NRXN2: variants seen among roughly 807,000 people sequenced by gnomAD.
The protein encoded by NRXN2 is neurexin-2-beta.
Under a neutral mutation model 128.8 loss-of-function variants are expected in NRXN2, and 29 were observed. The ratio of observed to expected loss-of-function variants is 0.23; its 90% CI spans 0.17 to 0.31. The LOEUF (loss-of-function observed/expected upper bound fraction) is 0.31, where lower values mean the gene tolerates loss of function less well. NRXN2 is among the 10% of genes least tolerant of loss of function. The pLI is 1.00. For synonymous variants in NRXN2, 1,098 were observed against 1,075.2 expected, an observed-to-expected ratio of 1.02 and a Z score of -0.41; for missense variants, 1,881 against 2,452.6, an observed-to-expected ratio of 0.77 and a Z score of 4.92.
At position 64,686,904 on chromosome 11, in the gene NRXN2, G is replaced by C. The variant is rs147481339; in HGVS notation, c.851-957C>G. Among the ~76,000 whole-genome samples, 428 of 152,320 alleles carry C rather than the reference G, an allele frequency of 2.8e-3. 2 individuals carry two copies. Among genetic ancestry groups the C allele is most frequent in the African/African-American group, 9.3e-3 (388 of 41,566 alleles). On this transcript the variant is annotated intron_variant, in intron 5 of 22. Coordinates refer to ENST00000265459, the MANE Select transcript of NRXN2 (RefSeq NM_015080.4). The stretch of plus-strand genomic sequence containing the variant: ...AGGGATTGTCAGCATTCTGTAAGTT[G>C]GTAACAAGTGAGAAGACAATGACTC...
chr11:64,653,197 C>T (rs1277129129), intron 12 of NRXN2, among the ~76,000 whole-genome samples: 2 of 152,172 alleles, frequency 1.3e-5, no homozygotes, highest in Admixed American at 1.3e-4. Context: ...TTGGCAGAAA[C>T]TCACCCCAGC....
intron 9 of NRXN2, among the ~76,000 whole-genome samples, chr11:64,666,712 C>T (rs1331813936): frequency 1.3e-5 from 2 of 151,938 alleles, no homozygotes; most frequent in African/African-American, 2.4e-5. Flanking sequence ...TACAGGTGCC[C>T]GCCACCACAC....
Position 64,635,647 on chromosome 11 carries a change from A to G in NRXN2, c.3404-195T>C, listed in dbSNP as rs1040527498. Among the ~76,000 whole-genome samples the G allele has an allele frequency of 1.3e-5, 2 of 152,154 alleles. No individual in the cohort carries two copies. Among genetic ancestry groups the G allele is most frequent in the African/African-American group, 4.8e-5 (2 of 41,438 alleles). On this transcript the variant is annotated intron_variant, in intron 17 of 22. Transcript: ENST00000265459. The surrounding 1 kb of genome is among the most constrained non-coding windows in gnomAD (Gnocchi z 4.8). ...CGGGTGCCTGGGTGAGAGCCTGTGC[A>G]CGCGCACAGACAGATGTAGCTGCCT... is the stretch of plus-strand genomic sequence containing the variant.
At chr11:64,653,457 A>T (rs2047776926) in intron 12 of NRXN2, among the ~76,000 whole-genome samples, 1 of 152,030 alleles carries the variant, frequency 6.6e-6, no homozygotes, top group South Asian at 2.1e-4. Flanking sequence ...AGACCCAGTG[A>T]ACATCCTGAC....
intron 2 of NRXN2, among the ~76,000 whole-genome samples, chr11:64,705,436 C>G (rs1041912222): frequency 6.6e-6 from 1 of 151,180 alleles, no homozygotes; most frequent in Non-Finnish European, 1.5e-5. Context: ...AGCTGCGAGT[C>G]CCCCCTCTCT....
chr11:64,607,667 C>G lies in NRXN2; in HGVS notation c.4668G>C (p.Pro1556=), dbSNP rs758220644. The G allele has an allele frequency of 3.3e-6, 5 of 1,525,846 alleles. No individual in the cohort carries two copies. The highest frequency in any genetic ancestry group is 2.0e-5 in the Admixed American group (1 of 48,794). 94.5% of individuals were successfully genotyped at this position (1,525,846 alleles called of 1,614,324 possible). The change falls in exon 23 of 23, where the codon CCG becomes CCC. Residue 1556 remains proline, a synonymous_variant. Coordinates refer to ENST00000265459, the MANE Select transcript of NRXN2 (RefSeq NM_015080.4). ...APGVLFAPSA[P]APNLPAGKMN... Reference sequence around the variant, plus strand: ...TTTTGCCCGCCGGCAGGTTGGGGGCCGGGGCGGAGGGGGCAAACAGCACCC... The same window carrying G: ...TTTTGCCCGCCGGCAGGTTGGGGGCGGGGGCGGAGGGGGCAAACAGCACCC...
In NRXN2 at chr11:64,648,531, G is replaced by T. The variant is rs2047031040; in HGVS notation, c.3284-193C>A. On this transcript the variant is annotated intron_variant, in intron 16 of 22. Coordinates refer to ENST00000265459, the MANE Select transcript of NRXN2 (RefSeq NM_015080.4). The surrounding 1 kb of genome is among the most constrained non-coding windows in gnomAD (Gnocchi z 4.1). ...AGGCTTGGCCTTGGACTGTGACAAG[G>T]GGCCAGGGTGTGAGACAACAGGGAG... Among the ~76,000 whole-genome samples the T allele has an allele frequency of 6.6e-6, 1 of 152,200 alleles. No homozygotes were observed. The highest frequency in any genetic ancestry group is 2.4e-5 in the African/African-American group (1 of 41,452).
intron 2 of NRXN2, among the ~76,000 whole-genome samples, chr11:64,704,623 C>CACACACACACAGAGAGAG (rs1336665936): frequency 1.2e-5 from 1 of 81,206 alleles, no homozygotes; most frequent in African/African-American, 4.7e-5. Context: ...CACACACACA[C>CACACACACACAGAGAGAG]AGAGAGAGAG....
rs757763319 is a variant in NRXN2, at chr11:64,685,913, A to G, written c.885T>C (p.Asn295=). 1 of 1,614,116 alleles carries G rather than the reference A, an allele frequency of 6.2e-7. No individual in the cohort carries two copies. The highest frequency in any genetic ancestry group is 1.1e-5 in the South Asian group (1 of 91,078). ...KEEFVATFKG[N]EFFCYDLSHN... Reference sequence around the variant, plus strand: ...GTGACAGGTCGTAGCAGAAGAACTCATTGCCTTTGAAGGTCGCCACAAACT... The same window carrying G: ...GTGACAGGTCGTAGCAGAAGAACTCGTTGCCTTTGAAGGTCGCCACAAACT... The change falls in exon 6 of 23, where the codon AAT becomes AAC. Residue 295 remains asparagine (N), a synonymous_variant. Coordinates refer to ENST00000265459, the MANE Select transcript of NRXN2 (RefSeq NM_015080.4).
intron 2 of NRXN2, among the ~76,000 whole-genome samples, chr11:64,705,550 GA>G (rs1219109235): frequency 6.6e-6 from 1 of 151,702 alleles, no homozygotes; most frequent in East Asian, 1.9e-4. Flanking sequence ...CTGCCCCTCT[GA>G]AGTCTTGTGC....
intron 5 of NRXN2, among the ~76,000 whole-genome samples, chr11:64,687,124 T>G (rs2053168958): frequency 6.6e-6 from 1 of 152,148 alleles, no homozygotes; most frequent in Non-Finnish European, 1.5e-5. Context: ...CAAACAACAC[T>G]GGCCGTGAGG....
At position 64,607,950 on chromosome 11, in the gene NRXN2, G is replaced by T. The variant is rs1431427520; in HGVS notation, c.4385C>A (p.Thr1462Lys). Residue 1462 changes from threonine (T) to lysine (K), a missense_variant, in exon 23 of 23, where the codon ACG (threonine) becomes AAG (lysine). Thr to Lys is a moderately conservative substitution (Grantham distance 78). Transcript: ENST00000265459. The part of the protein sequence containing the change: ...FLTGVGATQD[T>K]LPPPAARRPP... The stretch of plus-strand genomic sequence containing the variant: ...GCGGCGCGCGGCGGGCGGGGGCAGC[G>T]TGTCTTGGGTGGCGCCCACTCCCGT... 6.5e-7 allele frequency: 1 copy of T among 1,542,834 alleles called. No homozygotes were observed. The highest frequency in any genetic ancestry group is 2.4e-5 in the East Asian group (1 of 41,358).
intron 17 of NRXN2, chr11:64,643,355 CCGGGGGAGGGGGGGG>C: frequency 6.9e-5 from 23 of 334,838 alleles, no homozygotes; most frequent in South Asian, 1.4e-4. Flanking sequence ...GAGGGAGCGG[CCGGGGGAGGGGGGGG>C]CGGGAGAAGG....
In NRXN2 at chr11:64,651,154, G is replaced by C; in HGVS notation, c.2918+101C>G. 6.7e-7 allele frequency: 1 copy of C among 1,503,502 alleles called. No homozygotes were observed. The highest frequency in any genetic ancestry group is 9.2e-7 in the Non-Finnish European group (1 of 1,090,362). 93.1% of individuals were successfully genotyped at this position (1,503,502 alleles called of 1,614,324 possible). The stretch of plus-strand genomic sequence containing the variant: ...GACCTGAATCTTGACTTGTGATCTG[G>C]GGGGATTGGACACCTCGGCCAGTAG... On this transcript the variant is annotated intron_variant, in intron 14 of 22. Coordinates refer to ENST00000265459, the MANE Select transcript of NRXN2 (RefSeq NM_015080.4). The surrounding 1 kb of genome is among the most constrained non-coding windows in gnomAD (Gnocchi z 5.9).
intron 6 of NRXN2, among the ~76,000 whole-genome samples, chr11:64,677,866 AATGGATTAACC>A (rs1304471308): frequency 1.3e-5 from 2 of 152,200 alleles, no homozygotes; most frequent in East Asian, 1.9e-4. Context: ...ATGCCGGGTT[AATGGATTAACC>A]AGTTGGTGAT....
chr11:64,660,755 C>G lies in NRXN2; in HGVS notation c.2183G>C (p.Arg728Thr), dbSNP rs1162842268. Residue 728 changes from arginine (R) to threonine (T), a missense_variant and splice_region_variant, in exon 10 of 23, where the codon AGA (arginine) becomes ACA (threonine). Physicochemically the swap from Arg to Thr is moderately conservative, Grantham distance 71. Around this residue, in one of 7 missense-constraint regions of NRXN2, gnomAD observed 997 missense variants for 1,240.8 expected, o/e 0.80. Transcript: ENST00000265459. The surrounding 1 kb of genome is among the most constrained non-coding windows in gnomAD (Gnocchi z 5.2). ...CCTAGGATGAAGACCAGCCTCACCT[C>G]TCTCACAGACCCGCCCAAGAAAGCC... ...GTGFLGRVCE[R>T]EATVLSYDGS... 1.2e-6 allele frequency: 2 copies of G among 1,611,234 alleles called. No homozygotes were observed. Among genetic ancestry groups the G allele is most frequent in the East Asian group, 4.5e-5 (2 of 44,864 alleles).
Position 64,651,299 on chromosome 11 carries a change from G to A in NRXN2, c.2874C>T (p.Asn958=). The A allele has an allele frequency of 6.2e-7, 1 of 1,614,194 alleles. No individual in the cohort carries two copies. The highest frequency in any genetic ancestry group is 2.2e-5 in the East Asian group (1 of 44,882). ...TTAPDGLLLF[N]SGNGNDFIVI... Reference sequence around the variant, plus strand: ...CAATGAAGTCATTGCCGTTGCCCGAGTTGAACAGAAGAAGCCCATCAGGGG... The same window carrying A: ...CAATGAAGTCATTGCCGTTGCCCGAATTGAACAGAAGAAGCCCATCAGGGG... The change falls in exon 14 of 23, where the codon AAC becomes AAT. Residue 958 remains asparagine, a synonymous_variant. Transcript: ENST00000265459. The surrounding 1 kb of genome is among the most constrained non-coding windows in gnomAD (Gnocchi z 5.9).
intron 7 of NRXN2, among the ~76,000 whole-genome samples, chr11:64,673,272 C>T (rs1395274964): frequency 6.6e-6 from 1 of 152,220 alleles, no homozygotes; most frequent in East Asian, 1.9e-4. Context: ...TACAAGCAAA[C>T]TCCATCAGCC....
At position 64,617,855 on chromosome 11, in the gene NRXN2, G is replaced by A. The variant is rs116513960; in HGVS notation, c.4252+2439C>T. 7.3e-3 allele frequency among the ~76,000 whole-genome samples: 1,105 copies of A among 152,342 alleles called. 11 individuals carry two copies. The highest frequency in any genetic ancestry group is 0.025 in the African/African-American group (1,044 of 41,576). On this transcript the variant is annotated intron_variant, in intron 22 of 22. Coordinates refer to ENST00000265459, the MANE Select transcript of NRXN2 (RefSeq NM_015080.4). ...CCATCGTTAAACCTTTCACAGTGGTGCAAATGTGGACGTGTAAGCATGTGC... is the reference window on the plus strand; with the variant it reads ...CCATCGTTAAACCTTTCACAGTGGTACAAATGTGGACGTGTAAGCATGTGC...
Sources: gnomAD v4.1 joint callset for allele counts (sites outside exome capture counted in the v4.1 genomes callset) on GRCh38, gnomAD v4.1.1 for gene constraint, gnomAD v4.1.1 regional missense constraint, Gnocchi (gnomAD v3.1) non-coding constraint, MANE v1.5 for transcripts, NCBI Gene and HGNC (gene_info 2026-07-23, HGNC 2026-07-21) for gene names.